Variants in BCAS3 observed in about 807,000 individuals in gnomAD.
BCAS3 encodes the protein BCAS4/BCAS3 fusion.
In BCAS3, 53 loss-of-function variants were observed where a neutral mutation model predicts 116.1. The ratio of observed to expected loss-of-function variants is 0.46; its 90% CI spans 0.37 to 0.57. BCAS3 has a LOEUF of 0.57. Among genes scored for constraint, BCAS3 ranks in the 20% least tolerant of loss-of-function variants. The pLI, the probability that BCAS3 is intolerant of heterozygous loss-of-function variation, is 0.00. For missense variants in BCAS3, 917 were observed against 1,165.4 expected (o/e 0.79, Z 3.10); for synonymous variants, 391 against 408.2 (o/e 0.96, Z 0.51).
chr17:60,807,466 G>C (rs897924974), intron 6 of BCAS3, among the ~76,000 whole-genome samples: 3 of 152,056 alleles, frequency 2.0e-5, no homozygotes, highest in Non-Finnish European at 4.4e-5. Flanking sequence ...ATTGAAATTG[G>C]TGCCAATTGA....
At chr17:61,194,761 T>TA (rs1325250840) in intron 22 of BCAS3, among the ~76,000 whole-genome samples, 1 of 142,212 alleles carries the variant, frequency 7.0e-6, no homozygotes, top group East Asian at 2.1e-4. Context: ...AAAAAAAAGA[T>TA]ATACTAACTA....
intron 22 of BCAS3, among the ~76,000 whole-genome samples, chr17:61,345,992 C>T (rs1456591530): frequency 2.0e-5 from 3 of 152,128 alleles, no homozygotes; most frequent in Admixed American, 6.5e-5. Flanking sequence ...AGGTGAAGGT[C>T]GTTGGTGTGC....
At chr17:61,275,053 T>C (rs1351145415) in intron 22 of BCAS3, among the ~76,000 whole-genome samples, 1 of 152,136 alleles carries the variant, frequency 6.6e-6, no homozygotes, top group African/African-American at 2.4e-5. Context: ...GGTCTCAGCA[T>C]GTCGCCCAGG....
At chr17:60,814,306 T>TGTGCGCGCGTGCGC (rs368289350) in intron 7 of BCAS3, among the ~76,000 whole-genome samples, 61 of 148,300 alleles carry the variant, frequency 4.1e-4, no homozygotes, top group African/African-American at 1.5e-3. Context: ...TGTGTGTGTG[T>TGTGCGCGCGTGCGC]GCGCGCGTGC....
At chr17:60,892,874 A>G (rs2145016211) in intron 10 of BCAS3, among the ~76,000 whole-genome samples, 1 of 152,142 alleles carries the variant, frequency 6.6e-6, no homozygotes, top group Admixed American at 6.5e-5. Context: ...GTGAGCCGAG[A>G]TCATGCCATC....
intron 22 of BCAS3, among the ~76,000 whole-genome samples, chr17:61,116,022 A>G (rs1442649635): frequency 2.7e-5 from 4 of 146,320 alleles, no homozygotes; most frequent in African/African-American, 7.5e-5. Context: ...ATTCTCACTC[A>G]TAGGTGGGAA....
rs1385942148 is a variant in BCAS3, at chr17:61,067,724, AAC to A, written c.2030-7194_2030-7193del. ...AGCAAGACTCCATCTCAAACAAACA[AAC>A]AAAAAAAAAAAAAAATATATATATA... On this transcript the variant is annotated intron_variant, in intron 19 of 23. Coordinates refer to ENST00000407086, the MANE Select transcript of BCAS3 (RefSeq NM_017679.5). 6.0e-3 allele frequency among the ~76,000 whole-genome samples: 723 copies of A among 120,238 alleles called. 10 individuals are homozygous for A. The East Asian group carries it at 0.066, about 11-fold the overall frequency. The allele number at this position is 120,238 out of a possible 152,430, so 78.9% of individuals were successfully genotyped here.
rs1386183079 is a variant in BCAS3, at chr17:60,999,559, AAAAAAG to A, written c.1486+9340_1486+9345del. On this transcript the variant is annotated intron_variant, in intron 15 of 23. Transcript: ENST00000407086. The stretch of plus-strand genomic sequence containing the variant: ...GAGACTGTGTCTCAAAAAAAAAAAA[AAAAAAG>A]AAAAAGAAAAAGAAATGTGATGTCT... Among the ~76,000 whole-genome samples the A allele has an allele frequency of 4.7e-5, 7 of 150,124 alleles. No individual in the cohort carries two copies. The South Asian group carries it at 6.2e-4, about 13-fold the overall frequency.
chr17:61,152,243 TC>T (rs1315714295), intron 22 of BCAS3, among the ~76,000 whole-genome samples: 1 of 152,152 alleles, frequency 6.6e-6, no homozygotes, highest in Non-Finnish European at 1.5e-5. Flanking sequence ...CCCTTATTTG[TC>T]CCCTCCCATG....
At chr17:60,811,393 C>T (rs2048802333) in intron 7 of BCAS3, 1 of 612,612 alleles carries the variant, frequency 1.6e-6, no homozygotes, top group African/African-American at 1.8e-5. Context: ...TCCAGAAGAC[C>T]ACCTCTCCCA....
intron 9 of BCAS3, among the ~76,000 whole-genome samples, chr17:60,882,537 C>A (rs1383844124): frequency 3.3e-5 from 5 of 152,138 alleles, no homozygotes; most frequent in South Asian, 4.1e-4. Context: ...CCTGAATGGT[C>A]ATGCCTAGGT....
In BCAS3 at chr17:61,017,584, A is replaced by G. The variant is rs1002269560; in HGVS notation, c.1637+1683A>G. Among the ~76,000 whole-genome samples the G allele has an allele frequency of 5.3e-5, 8 of 152,216 alleles. No individual in the cohort carries two copies. Among genetic ancestry groups the G allele is most frequent in the Non-Finnish European group, 1.0e-4 (7 of 68,034 alleles). ...TGGTGCGTGTTTATTTAATTTTAAC[A>G]TAAGAGCTGTCCTGTTTTATAATGC... On this transcript the variant is annotated intron_variant, in intron 16 of 23. Transcript: ENST00000407086. This position sits in a 1 kb window ranked among gnomAD's most constrained non-coding sequence, Gnocchi z 4.7.
intron 4 of BCAS3, among the ~76,000 whole-genome samples, chr17:60,706,803 CTTTTTT>C (rs546689684): frequency 8.2e-5 from 10 of 122,230 alleles, no homozygotes; most frequent in African/African-American, 2.1e-4. Flanking sequence ...TTACACTATA[CTTTTTT>C]TTTTTTTTTT....
At chr17:60,922,134 CT>C (rs922885572) in intron 12 of BCAS3, among the ~76,000 whole-genome samples, 11 of 148,708 alleles carry the variant, frequency 7.4e-5, no homozygotes, top group Admixed American at 2.7e-4. Flanking sequence ...AATTTTAGCT[CT>C]TTTTTTTTTG....
chr17:60,864,354 T>C (rs1298758304), intron 7 of BCAS3, among the ~76,000 whole-genome samples: 2 of 152,204 alleles, frequency 1.3e-5, no homozygotes, highest in African/African-American at 2.4e-5. Flanking sequence ...GGGTTAGACC[T>C]AAGAAGGAAC....
At position 60,956,391 on chromosome 17, in the gene BCAS3, T is replaced by C. The variant is rs940402965; in HGVS notation, c.1221+9039T>C. ...ATCTAGAGTTAATATTTCACTGTGC[T>C]GCTGGGCACATTTTATTTCTTACCT... On this transcript the variant is annotated intron_variant, in intron 14 of 23. Coordinates refer to ENST00000407086, the MANE Select transcript of BCAS3 (RefSeq NM_017679.5). This position sits in a 1 kb window ranked among gnomAD's most constrained non-coding sequence, Gnocchi z 4.2. Among the ~76,000 whole-genome samples the C allele has an allele frequency of 1.3e-5, 2 of 152,268 alleles. No individual in the cohort carries two copies. Among genetic ancestry groups the C allele is most frequent in the Non-Finnish European group, 2.9e-5 (2 of 68,040 alleles).
intron 9 of BCAS3, among the ~76,000 whole-genome samples, chr17:60,880,237 A>G (rs1313797022): frequency 6.6e-6 from 1 of 151,670 alleles, no homozygotes; most frequent in African/African-American, 2.4e-5. Context: ...AATGTTTTAT[A>G]TGCTTATGTG....
At chr17:60,992,775 G>T (rs921497824) in intron 15 of BCAS3, among the ~76,000 whole-genome samples, 1 of 152,150 alleles carries the variant, frequency 6.6e-6, no homozygotes, top group East Asian at 1.9e-4. Context: ...TCAGCTATTT[G>T]CTAGACATTT....
intron 5 of BCAS3, among the ~76,000 whole-genome samples, chr17:60,732,065 G>A (rs1015810199): frequency 1.3e-5 from 2 of 151,982 alleles, no homozygotes; most frequent in Non-Finnish European, 2.9e-5. Context: ...GTGAGCCACC[G>A]CGCCCGGCCA....
Sources: gnomAD v4.1 joint callset for allele counts (sites outside exome capture counted in the v4.1 genomes callset) on GRCh38, gnomAD v4.1.1 for gene constraint, Gnocchi (gnomAD v3.1) non-coding constraint, MANE v1.5 for transcripts, NCBI Gene and HGNC (gene_info 2026-07-23, HGNC 2026-07-21) for gene names.